Variants in HTT observed in about 807,000 individuals in gnomAD.
HTT encodes the protein huntington disease protein.
HTT carries 104 observed loss-of-function variants against 362.3 expected under a neutral mutation model. The ratio of observed to expected loss-of-function variants is 0.29; its 90% CI spans 0.24 to 0.34. The LOEUF is 0.34. Among genes scored for constraint, HTT ranks in the 10% least tolerant of loss-of-function variants. The pLI is 1.00. For synonymous variants in HTT, 1,577 were observed against 1,548.7 expected (o/e 1.02, Z -0.43); for missense variants, 3,301 against 3,928.6 (o/e 0.84, Z 4.27).
rs1177971019 is a variant in HTT, at chr4:3,212,601, C to T, written c.6666C>T (p.Ala2222=). 1.2e-6 allele frequency: 2 copies of T among 1,614,120 alleles called. No individual in the cohort carries two copies. Among genetic ancestry groups the T allele is most frequent in the African/African-American group, 2.7e-5 (2 of 74,920 alleles). ...AALYQSLPTL[A]RALAQYLVVV... ...TGTATCAGTCCCTGCCCACTCTGGC[C>T]CGGGCCCTGGCACAGTACCTGGTGG... The change falls in exon 49 of 67, where the codon GCC becomes GCT. Residue 2222 remains alanine, a synonymous_variant. Transcript: ENST00000355072.
intron 1 of HTT, among the ~76,000 whole-genome samples, chr4:3,076,091 A>T (rs1712535645): frequency 6.6e-6 from 1 of 152,108 alleles, no homozygotes; most frequent in Non-Finnish European, 1.5e-5. Context: ...TGTGCCAGTG[A>T]AAGGGTTTCT....
In HTT at chr4:3,134,382, C is replaced by T. The variant is rs200868337; in HGVS notation, c.2494-19C>T. ...TGGGACTAACCTGCTGTCCTCTTGC[C>T]TTGGACCTTGTGTTCCAGAACTGTG... On this transcript the variant is annotated intron_variant, in intron 18 of 66. Coordinates refer to ENST00000355072, the MANE Select transcript of HTT (RefSeq NM_001388492.1). 8 of 1,610,372 alleles carry T rather than the reference C, an allele frequency of 5.0e-6. No homozygotes were observed. The African/African-American group carries it at 6.7e-5, about 13-fold the overall frequency.
intron 59 of HTT, among the ~76,000 whole-genome samples, chr4:3,229,210 CACACA>C (rs1423231359): frequency 1.3e-5 from 2 of 149,812 alleles, no homozygotes; most frequent in Admixed American, 6.7e-5. Context: ...ATGCACCATA[CACACA>C]ACACACACAG....
chr4:3,124,814 T>A (rs183806856), intron 10 of HTT, among the ~76,000 whole-genome samples: 1 of 152,216 alleles, frequency 6.6e-6, no homozygotes, highest in South Asian at 2.1e-4. Flanking sequence ...ATGGAAGTTA[T>A]CATACTTCTG....
Position 3,243,024 on chromosome 4 carries a change from T to C in HTT, c.*2965T>C, listed in dbSNP as rs989991465. ...CAGAATGTAGCATCTGAGAAGGCCCTGTGCCCTAAAGGACACCCCTCGCCC... is the reference window on the plus strand; with the variant it reads ...CAGAATGTAGCATCTGAGAAGGCCCCGTGCCCTAAAGGACACCCCTCGCCC... On this transcript the variant is annotated 3_prime_UTR_variant, in exon 67 of 67. Coordinates refer to ENST00000355072, the MANE Select transcript of HTT (RefSeq NM_001388492.1). The C allele has an allele frequency of 6.6e-6, 1 of 152,522 alleles. No individual in the cohort carries two copies. The highest frequency in any genetic ancestry group is 1.5e-5 in the Non-Finnish European group (1 of 68,038). 9.4% of individuals were successfully genotyped at this position (152,522 alleles called of 1,614,324 possible).
chr4:3,154,919 A>T (rs553030438), intron 27 of HTT, among the ~76,000 whole-genome samples: 4 of 152,246 alleles, frequency 2.6e-5, no homozygotes, highest in African/African-American at 9.6e-5. Context: ...AGTTTGGAGG[A>T]CCTTTTTTTA....
intron 37 of HTT, among the ~76,000 whole-genome samples, chr4:3,185,904 AAG>A (rs748115908): frequency 1.2e-3 from 179 of 151,936 alleles, no homozygotes; most frequent in Non-Finnish European, 1.6e-3. Flanking sequence ...AGAGAGAAAG[AAG>A]AGAGAGGGAG....
intron 39 of HTT, chr4:3,188,738 T>C: frequency 1.9e-6 from 1 of 517,722 alleles, no homozygotes; most frequent in Non-Finnish European, 3.5e-6. Context: ...AAAAAAATGC[T>C]ACCTGCCATT....
In HTT at chr4:3,204,142, T is replaced by A; in HGVS notation, c.5712T>A (p.Asp1904Glu). The A allele has an allele frequency of 6.2e-7, 1 of 1,614,194 alleles. No homozygotes were observed. Among genetic ancestry groups the A allele is most frequent in the Non-Finnish European group, 8.5e-7 (1 of 1,180,012 alleles). The stretch of plus-strand genomic sequence containing the variant: ...GAGGGGCTCTCATTCTCTTCTGTGA[T>A]TATGTCGTAAGTTTGAAATGCCTGT... Reference protein sequence around the residue: ...VRRGALILFCDYVCQNLHDSE... With the variant: ...VRRGALILFCEYVCQNLHDSE... The change falls in exon 42 of 67, where the codon GAT becomes GAA. Residue 1904 changes from aspartate to glutamate, a missense_variant. Coordinates refer to ENST00000355072, the MANE Select transcript of HTT (RefSeq NM_001388492.1).
intron 51 of HTT, among the ~76,000 whole-genome samples, chr4:3,215,435 A>G (rs539697844): frequency 6.6e-6 from 1 of 152,018 alleles, no homozygotes; most frequent in South Asian, 2.1e-4. Flanking sequence ...GCTGTCTCTG[A>G]CCCTACAGAC....
At chr4:3,130,451 G>T in intron 14 of HTT, 28 bp downstream of exon 14, 1 of 1,262,544 alleles carries the variant, frequency 7.9e-7, no homozygotes, top group Non-Finnish European at 1.1e-6. Context: ...GAGACGACTT[G>T]GTGTTTCTGA....
intron 21 of HTT, among the ~76,000 whole-genome samples, chr4:3,139,414 T>C (rs954378470): frequency 6.6e-6 from 1 of 152,132 alleles, no homozygotes; most frequent in African/African-American, 2.4e-5. Flanking sequence ...GCCGGGCTGA[T>C]CTTGAACTCC....
Position 3,213,978 on chromosome 4 carries a change from C to G in HTT, c.6795C>G (p.Ile2265Met), listed in dbSNP as rs780197718. The G allele has an allele frequency of 6.3e-7, 1 of 1,584,100 alleles. No individual in the cohort carries two copies. Among genetic ancestry groups the G allele is most frequent in the South Asian group, 1.1e-5 (1 of 87,702 alleles). The change falls in exon 50 of 67, where the codon ATC becomes ATG. Residue 2265 changes from isoleucine (I) to methionine (M), a missense_variant. Ile to Met is a conservative substitution (Grantham distance 10). This residue lies in a region of HTT where 220 missense variants were observed against 218.5 expected (regional missense o/e 1.01). Transcript: ENST00000355072. ...ATLEALSWHLIHEQIPLSLDL... is the reference protein window; with the variant it reads ...ATLEALSWHLMHEQIPLSLDL... Reference sequence around the variant, plus strand: ...TTTAGGCCCTGTCCTGGCATTTGATCCATGAGCAGATCCCGCTGAGTCTGG... The same window carrying G: ...TTTAGGCCCTGTCCTGGCATTTGATGCATGAGCAGATCCCGCTGAGTCTGG...
chr4:3,081,729 G>A (rs957653607), intron 1 of HTT, among the ~76,000 whole-genome samples: 1 of 151,296 alleles, frequency 6.6e-6, no homozygotes, highest in African/African-American at 2.4e-5. Flanking sequence ...AGCTAATTTT[G>A]TATTTTTAGT....
At chr4:3,113,564 A>T (rs1382536724) in intron 6 of HTT, among the ~76,000 whole-genome samples, 1 of 152,152 alleles carries the variant, frequency 6.6e-6, no homozygotes, top group East Asian at 1.9e-4. Flanking sequence ...TCCTGACCTC[A>T]AGTGATCTGC....
In HTT at chr4:3,215,136, C is replaced by G. The variant is rs570781020; in HGVS notation, c.6979C>G (p.Leu2327Val). The G allele has an allele frequency of 1.9e-6, 3 of 1,614,114 alleles. No individual in the cohort carries two copies. Among genetic ancestry groups the G allele is most frequent in the Admixed American group, 3.3e-5 (2 of 60,012 alleles). Residue 2327 changes from leucine (L) to valine (V), a missense_variant, in exon 51 of 67, where the codon CTT (leucine) becomes GTT (valine). Leu to Val is a conservative substitution (Grantham distance 32). Around this residue, in one of 4 missense-constraint regions of HTT, gnomAD observed 220 missense variants for 218.5 expected, o/e 1.01. Coordinates refer to ENST00000355072, the MANE Select transcript of HTT (RefSeq NM_001388492.1). ...AVAVQPGEQLLSPERRTNTPK... is the reference protein window; with the variant it reads ...AVAVQPGEQLVSPERRTNTPK... ...TGCAGTGCAGCCTGGAGAGCAGCTT[C>G]TTAGTCCAGAAAGAAGGACAAATAC...
chr4:3,213,466 G>A (rs1337605855), intron 49 of HTT, among the ~76,000 whole-genome samples: 1 of 152,234 alleles, frequency 6.6e-6, no homozygotes, highest in Non-Finnish European at 1.5e-5. Flanking sequence ...CTGTGAGATA[G>A]GCTCTGTTAC....
At chr4:3,151,360 GAGAGAGAC>G in intron 26 of HTT, among the ~76,000 whole-genome samples, 1 of 152,056 alleles carries the variant, frequency 6.6e-6, no homozygotes, top group East Asian at 1.9e-4. Flanking sequence ...AGGAGAGAGA[GAGAGAGAC>G]AGAGAGAGAG....
At chr4:3,186,838 CTTTTTTTTTTT>C (rs1160738052) in intron 38 of HTT, 119 bp downstream of exon 38, 6 of 250,918 alleles carry the variant, frequency 2.4e-5, no homozygotes, top group South Asian at 1.0e-4. Flanking sequence ...TGAGAGTTTG[CTTTTTTTTTTT>C]TTTTTTTTTT....
Sources: allele counts gnomAD v4.1 joint callset (sites outside exome capture counted in the v4.1 genomes callset), GRCh38; gene constraint gnomAD v4.1.1; regional missense constraint gnomAD v4.1.1; transcripts MANE v1.5; gene names NCBI Gene and HGNC (gene_info 2026-07-23, HGNC 2026-07-21).